The following MDN1 variants were observed in gnomAD, a reference collection of about 807,000 sequenced individuals.
MDN1 encodes the protein midasin.
Under a neutral mutation model 669.2 loss-of-function variants are expected in MDN1, and 266 were observed. The ratio of observed to expected loss-of-function variants is 0.40; its 90% CI spans 0.36 to 0.44. The LOEUF is 0.44. MDN1 is among the 20% of genes least tolerant of loss of function. The pLI is 1.00. For synonymous variants in MDN1, 2,385 were observed against 2,457.1 expected (o/e 0.97, Z 0.87); for missense variants, 5,940 against 6,754.0 (o/e 0.88, Z 4.22).
intron 2 of MDN1, among the ~76,000 whole-genome samples, chr6:89,800,909 T>C (rs1767610239): frequency 6.6e-6 from 1 of 152,166 alleles, no homozygotes; most frequent in African/African-American, 2.4e-5. Flanking sequence ...AGAGAATTGA[T>C]AGATATAGGT....
At chr6:89,803,123 A>C (rs1415089178) in intron 2 of MDN1, among the ~76,000 whole-genome samples, 1 of 152,214 alleles carries the variant, frequency 6.6e-6, no homozygotes, top group East Asian at 1.9e-4. Context: ...CTGATGGCCA[A>C]GATTTAAGAG....
At chr6:89,765,544 C>A (rs1363233576) in intron 15 of MDN1, among the ~76,000 whole-genome samples, 1 of 152,174 alleles carries the variant, frequency 6.6e-6, no homozygotes, top group Non-Finnish European at 1.5e-5. Flanking sequence ...GAAGTCCTGG[C>A]CTCAAGCAAT....
chr6:89,676,441 C>T (rs986985802), intron 76 of MDN1, among the ~76,000 whole-genome samples: 2 of 152,164 alleles, frequency 1.3e-5, no homozygotes, highest in Non-Finnish European at 2.9e-5. Flanking sequence ...ATGAAATCTT[C>T]CTATCTTGGC....
chr6:89,697,681 A>C (rs1812860495), intron 59 of MDN1, among the ~76,000 whole-genome samples: 1 of 151,650 alleles, frequency 6.6e-6, no homozygotes, highest in African/African-American at 2.4e-5. Context: ...TCCCAGGCCC[A>C]AGCGATTCTC....
In MDN1 at chr6:89,704,260, A is replaced by AGTCCTG. The variant is rs1813377683; in HGVS notation, c.8148+1793_8148+1798dup. On this transcript the variant is annotated intron_variant, in intron 53 of 101. Transcript: ENST00000369393. ...CCTGGGTGTGGTGGCACGTGCCTGTAGTCCTGGCTACTCAGGAGGCTGAGG... is the reference window on the plus strand; with the variant it reads ...CCTGGGTGTGGTGGCACGTGCCTGTAGTCCTGGTCCTGGCTACTCAGGAGGCTGAGG... 2.6e-5 allele frequency among the ~76,000 whole-genome samples: 4 copies of AGTCCTG among 152,054 alleles called. No homozygotes were observed. In the South Asian group the frequency reaches 8.3e-4, roughly 32 times the overall value.
intron 50 of MDN1, among the ~76,000 whole-genome samples, chr6:89,709,829 CTT>C (rs1345262776): frequency 6.6e-6 from 1 of 152,236 alleles, no homozygotes; most frequent in Non-Finnish European, 1.5e-5. Flanking sequence ...AAAAATTAAT[CTT>C]GAATACTTCC....
At chr6:89,678,807 T>C in intron 74 of MDN1, 62 bp from the exon 75 acceptor site, 1 of 1,535,066 alleles carries the variant, frequency 6.5e-7, no homozygotes, top group East Asian at 2.3e-5. Context: ...TCTGGTAATG[T>C]GTTTGTTACC....
chr6:89,766,460 C>T (rs6910112), intron 15 of MDN1, among the ~76,000 whole-genome samples: 124,761 of 152,236 alleles, frequency 0.82, 51,454 homozygotes, highest in East Asian at 0.95. Context: ...AAATATTCAA[C>T]GGGAACCAAC....
intron 15 of MDN1, among the ~76,000 whole-genome samples, chr6:89,767,260 T>G (rs1817846093): frequency 6.6e-6 from 1 of 151,842 alleles, no homozygotes; most frequent in African/African-American, 2.4e-5. Flanking sequence ...CAAAAACGAG[T>G]TTAAAATTAA....
chr6:89,734,626 C>T (rs1389474858), intron 33 of MDN1, among the ~76,000 whole-genome samples: 1 of 141,412 alleles, frequency 7.1e-6, no homozygotes, highest in South Asian at 2.3e-4. Context: ...TGCCACTGTA[C>T]TCCAGCCTGG....
At chr6:89,675,273 A>AG in intron 78 of MDN1, 191 bp downstream of exon 78, 1 of 565,468 alleles carries the variant, frequency 1.8e-6, no homozygotes, top group Non-Finnish European at 3.1e-6. Context: ...ACGGAGGGAG[A>AG]GGGACACTAG....
chr6:89,748,800 C>T (rs1424337128), intron 26 of MDN1, among the ~76,000 whole-genome samples: 2 of 151,928 alleles, frequency 1.3e-5, no homozygotes, highest in Non-Finnish European at 2.9e-5. Flanking sequence ...TGGTTCACAC[C>T]TATAATCCCA....
chr6:89,653,741 T>G (rs1809049674), intron 93 of MDN1, among the ~76,000 whole-genome samples: 1 of 152,250 alleles, frequency 6.6e-6, no homozygotes, highest in Non-Finnish European at 1.5e-5. Context: ...TAGAACTTGG[T>G]TAGCTATGAA....
At position 89,644,145 on chromosome 6, in the gene MDN1, T is replaced by C; in HGVS notation, c.16651A>G (p.Met5551Val). 1.9e-6 allele frequency: 3 copies of C among 1,613,664 alleles called. No homozygotes were observed. Among genetic ancestry groups the C allele is most frequent in the Non-Finnish European group, 2.5e-6 (3 of 1,179,886 alleles). The change falls in exon 102 of 102, where the codon ATG becomes GTG. Residue 5551 changes from methionine to valine, a missense_variant. Coordinates refer to ENST00000369393, the MANE Select transcript of MDN1 (RefSeq NM_014611.3). ...TCCATGTAGGATCGGATTTCAGGCA[T>C]CTCTCCAGGTCCTTTAAATATCGGT... ...KVPIFKGPGE[M>V]PEIRSYMEEF...
rs1279549008 is a variant in MDN1, at chr6:89,692,480, T to C, written c.10550A>G (p.Asp3517Gly). 6.2e-7 allele frequency: 1 copy of C among 1,614,006 alleles called. No homozygotes were observed. Among genetic ancestry groups the C allele is most frequent in the South Asian group, 1.1e-5 (1 of 91,070 alleles). ...TCTGAAGAGCTGCAGGGCCCTCTGGTCCAACTCTCCCTTGCATAACACGTG... is the reference window on the plus strand; with the variant it reads ...TCTGAAGAGCTGCAGGGCCCTCTGGCCCAACTCTCCCTTGCATAACACGTG... ...RSHVLCKGELDQRALQLFRHV... is the reference protein window; with the variant it reads ...RSHVLCKGELGQRALQLFRHV... The change falls in exon 63 of 102, where the codon GAC (aspartate) becomes GGC (glycine). Residue 3517 changes from aspartate (D) to glycine (G), a missense_variant. This residue lies in a region of MDN1 where 2,280 missense variants were observed against 2,576.3 expected (regional missense o/e 0.88). Transcript: ENST00000369393.
chr6:89,699,510 G>C (rs1812993647), intron 58 of MDN1, 91 bp downstream of exon 58: 1 of 1,419,736 alleles, frequency 7.0e-7, no homozygotes, highest in Non-Finnish European at 9.4e-7. Flanking sequence ...GGAATTTTGA[G>C]AATAAATAAA....
Position 89,745,555 on chromosome 6 carries a change from G to A in MDN1, c.3976C>T (p.His1326Tyr), listed in dbSNP as rs760237689. ...TGAGGACACAATTTTTTCTTGAAATGTTTCTCAAGGACTTCTTGAATCACA... is the reference window on the plus strand; with the variant it reads ...TGAGGACACAATTTTTTCTTGAAATATTTCTCAAGGACTTCTTGAATCACA... ...IDVIQEVLEK[H>Y]FKKKLCPQSL... Residue 1326 changes from histidine to tyrosine, a missense_variant, in exon 28 of 102, where the codon CAT (histidine) becomes TAT (tyrosine). Transcript: ENST00000369393. The A allele has an allele frequency of 1.2e-6, 2 of 1,613,986 alleles. No homozygotes were observed. The highest frequency in any genetic ancestry group is 1.7e-5 in the Admixed American group (1 of 59,998).
Position 89,706,047 on chromosome 6 carries a change from G to A in MDN1, c.8148+12C>T. ...TTGTTGTTTAAAAATAAAACAAGAT[G>A]CAGTTCCTTACCTCATTGGCACTGG... On this transcript the variant is annotated intron_variant, in intron 53 of 101. Transcript: ENST00000369393. The A allele has an allele frequency of 6.3e-7, 1 of 1,576,510 alleles. No homozygotes were observed. The highest frequency in any genetic ancestry group is 8.6e-7 in the Non-Finnish European group (1 of 1,160,170).
intron 1 of MDN1, among the ~76,000 whole-genome samples, chr6:89,810,212 G>A (rs1768317852): frequency 6.6e-6 from 1 of 151,686 alleles, no homozygotes; most frequent in African/African-American, 2.4e-5. Flanking sequence ...GAGGTGGGTG[G>A]ATCACCTGAG....
Sources: allele counts gnomAD v4.1 joint callset (sites outside exome capture counted in the v4.1 genomes callset), GRCh38; gene constraint gnomAD v4.1.1; regional missense constraint gnomAD v4.1.1; transcripts MANE v1.5; gene names NCBI Gene and HGNC (gene_info 2026-07-23, HGNC 2026-07-21).